Variants in TPSG1 observed in about 807,000 individuals in gnomAD.
TPSG1 encodes the protein tryptase gamma 1.
A neutral mutation model predicts 23.8 loss-of-function variants in TPSG1; 43 were observed. The ratio of observed to expected loss-of-function variants is 1.81; its 90% confidence interval spans 1.42 to 2.33. The LOEUF is 2.33. Among genes scored for constraint, TPSG1 ranks in the 30% most tolerant of loss-of-function variants. TPSG1 has a pLI of 0.00. For missense variants in TPSG1, 623 were observed against 438.6 expected, an observed-to-expected ratio of 1.42 and a Z score of -3.75; for synonymous variants, 302 against 201.3, an observed-to-expected ratio of 1.50 and a Z score of -4.23.
Position 1,225,079 on chromosome 16 carries a change from CG to C in TPSG1, c.46+127del. 3 of 1,175,476 alleles carry C rather than the reference CG, an allele frequency of 2.6e-6. No individual in the cohort carries two copies. In the South Asian group the frequency reaches 4.5e-5, roughly 18 times the overall value. 72.8% of individuals were successfully genotyped at this position (1,175,476 alleles called of 1,614,324 possible). ...GGGTGCAGTCTCTTCAGAGGAGACA[CG>C]GGGCCCCACAGGGTGGGGACTCAGC... On this transcript the variant is annotated intron_variant, in intron 1 of 5. Coordinates refer to ENST00000234798, the MANE Select transcript of TPSG1 (RefSeq NM_012467.4).
intron 2 of TPSG1, 152 bp downstream of exon 2, chr16:1,224,450 C>T: frequency 1.0e-6 from 1 of 980,342 alleles, no homozygotes; most frequent in South Asian, 1.5e-5. Context: ...ACCAGCCCCA[C>T]TCAACCGAGA....
intron 1 of TPSG1, 48 bp from the exon 2 acceptor site, chr16:1,224,676 G>C (rs1412537289): frequency 1.2e-6 from 2 of 1,612,652 alleles, no homozygotes; most frequent in Non-Finnish European, 1.7e-6. Context: ...GCCAAGGAGA[G>C]GGGTGTGCGG....
chr16:1,223,622 G>A, intron 2 of TPSG1, 28 bp from the exon 3 acceptor site: 1 of 1,527,356 alleles, frequency 6.5e-7, no homozygotes, highest in Non-Finnish European at 8.8e-7. Flanking sequence ...GGGGTGCCTG[G>A]TGGGGATCCC....
At chr16:1,224,452 C>T in intron 2 of TPSG1, 150 bp downstream of exon 2, 1 of 994,216 alleles carries the variant, frequency 1.0e-6, no homozygotes, top group Non-Finnish European at 1.5e-6. Flanking sequence ...CAGCCCCACT[C>T]AACCGAGAGA....
chr16:1,222,971 G>A (rs1056220482), intron 3 of TPSG1, 54 bp from the exon 4 acceptor site: 1 of 1,537,330 alleles, frequency 6.5e-7, no homozygotes, highest in Non-Finnish European at 8.8e-7. Flanking sequence ...CTGGAGGTCA[G>A]TGTCGGCCCC....
rs374703338 is a variant in TPSG1 at position 1,223,401 on chromosome 16, C to T, written c.245+22G>A. 9 of 1,561,478 alleles carry T rather than the reference C, an allele frequency of 5.8e-6. No homozygotes were observed. In the African/African-American group the frequency reaches 8.1e-5, roughly 14 times the overall value. ...ACTGGGGCCTGGACATTGAGACTGC[C>T]CCTGCCCACCCGGACACTCACCCGG... On this transcript the variant is annotated intron_variant, in intron 3 of 5. Coordinates refer to ENST00000234798, the MANE Select transcript of TPSG1 (RefSeq NM_012467.4).
intron 1 of TPSG1, chr16:1,224,922 G>A: frequency 6.8e-6 from 4 of 591,572 alleles, no homozygotes; most frequent in South Asian, 6.3e-5. Context: ...TCTAGGGCCT[G>A]GGACTCCTGG....
At chr16:1,224,152 T>A (rs922087997) in intron 2 of TPSG1, 2 of 198,704 alleles carry the variant, frequency 1.0e-5, no homozygotes, top group Non-Finnish European at 2.0e-5. Context: ...CACACCTGGG[T>A]CTGCCTGAGC....
chr16:1,222,432 CCACCA>C (rs1423163032), intron 4 of TPSG1, 91 bp from the exon 5 acceptor site: 1 of 1,285,698 alleles, frequency 7.8e-7, no homozygotes, highest in Non-Finnish European at 1.1e-6. Flanking sequence ...AAGTCCCATG[CCACCA>C]CGACCCTCGT....
chr16:1,223,679 T>A, intron 2 of TPSG1, 85 bp from the exon 3 acceptor site: 1 of 1,443,088 alleles, frequency 6.9e-7, no homozygotes, highest in Non-Finnish European at 9.2e-7. Context: ...TGACCACACC[T>A]CCCTGCCTTC....
rs1231016812 is a variant in TPSG1, at chr16:1,222,109, A to C, written c.658-13T>G. 1.2e-6 allele frequency: 2 copies of C among 1,612,492 alleles called. No individual in the cohort carries two copies. The highest frequency in any genetic ancestry group is 2.7e-5 in the African/African-American group (2 of 74,916). ...CCCCGGAGTCGTCCTGAGGACAGAG[A>C]AGGCGAGCATTGGGAGCCGAGAAGA... On this transcript the variant is annotated splice_polypyrimidine_tract_variant and intron_variant, in intron 5 of 5. Coordinates refer to ENST00000234798, the MANE Select transcript of TPSG1 (RefSeq NM_012467.4).
intron 3 of TPSG1, 32 bp from the exon 4 acceptor site, chr16:1,222,949 C>T: frequency 1.3e-6 from 2 of 1,572,230 alleles, no homozygotes; most frequent in Non-Finnish European, 1.7e-6. Flanking sequence ...TGAGAGGGGC[C>T]AGCTGCGGAG....
chr16:1,225,143 C>T (rs2141424936), intron 1 of TPSG1, 64 bp downstream of exon 1: 2 of 1,532,648 alleles, frequency 1.3e-6, no homozygotes, highest in South Asian at 1.2e-5. Flanking sequence ...AGTTTCACCC[C>T]CATCAGGGGT....
At position 1,222,892 on chromosome 16, in the gene TPSG1, C is replaced by T; in HGVS notation, c.271G>A (p.Val91Met). Reference protein sequence around the residue: ...SGSLNSSDYQVHLGELEITLS... With the variant: ...SGSLNSSDYQMHLGELEITLS... ...GTGATCTCCAGTTCCCCCAGGTGCA[C>T]CTGGTAGTCGGATGAGTTCAGGGAC... Residue 91 changes from valine to methionine, a missense_variant, in exon 4 of 6, where the codon GTG becomes ATG. By Grantham distance (21) the Val-to-Met change is conservative (BLOSUM62 1). Transcript: ENST00000234798. The T allele has an allele frequency of 3.1e-6, 5 of 1,608,412 alleles. No individual in the cohort carries two copies. Among genetic ancestry groups the T allele is most frequent in the Non-Finnish European group, 4.2e-6 (5 of 1,178,088 alleles).
intron 4 of TPSG1, 89 bp downstream of exon 4, chr16:1,222,560 GAGC>G: frequency 6.8e-7 from 1 of 1,474,558 alleles, no homozygotes; most frequent in South Asian, 1.4e-5. Context: ...AAGCCACCAG[GAGC>G]AGGTGGTAGC....
rs1467115296 is a variant in TPSG1 at position 1,221,969 on chromosome 16, A to C, written c.785T>G (p.Val262Gly). The C allele has an allele frequency of 3.7e-6, 6 of 1,612,368 alleles. No homozygotes were observed. The South Asian group carries it at 6.6e-5, about 18-fold the overall frequency. Reference sequence around the variant, plus strand: ...TGTGATGTGGCGGCGGATCCAGTTCACGTAGGCAGGGACACGAGTGTAGAC... The same window carrying C: ...TGTGATGTGGCGGCGGATCCAGTTCCCGTAGGCAGGGACACGAGTGTAGAC... Reference protein sequence around the residue: ...PGVYTRVPAYVNWIRRHITAS... With the variant: ...PGVYTRVPAYGNWIRRHITAS... The change falls in exon 6 of 6, where the codon GTG becomes GGG. Residue 262 changes from valine (V) to glycine (G), a missense_variant. Physicochemically the swap from Val to Gly is moderately radical, Grantham distance 109. Transcript: ENST00000234798.
chr16:1,222,882 C>G lies in TPSG1; in HGVS notation c.281G>C (p.Gly94Ala). ...GGGAGACAGAGTGATCTCCAGTTCC[C>G]CCAGGTGCACCTGGTAGTCGGATGA... is the stretch of plus-strand genomic sequence containing the variant. Reference protein sequence around the residue: ...LNSSDYQVHLGELEITLSPHF... With the variant: ...LNSSDYQVHLAELEITLSPHF... Residue 94 changes from glycine (G) to alanine (A), a missense_variant, in exon 4 of 6, where the codon GGG (glycine) becomes GCG (alanine). Gly to Ala is a moderately conservative substitution (Grantham distance 60). Transcript: ENST00000234798. The G allele has an allele frequency of 6.2e-7, 1 of 1,608,872 alleles. No homozygotes were observed. The highest frequency in any genetic ancestry group is 2.2e-5 in the East Asian group (1 of 44,770).
At chr16:1,223,277 CCAG>C (rs1222792030) in intron 3 of TPSG1, 143 bp downstream of exon 3, 13 of 1,130,760 alleles carry the variant, frequency 1.1e-5, no homozygotes, top group Non-Finnish European at 1.3e-5. Context: ...AGGTGGGCAA[CCAG>C]CTCCTCCCTT....
rs751578922 is a variant in TPSG1, at chr16:1,223,547, C to A, written c.121G>T (p.Gly41Cys). ...VSDAGGRIVG[G>C]HAAPAGAWPW... ...CATGCGCCGGCCGGGGCAGCGTGACCCCCCACGATCCGGCCGCCTGCATCC... is the reference window on the plus strand; with the variant it reads ...CATGCGCCGGCCGGGGCAGCGTGACACCCCACGATCCGGCCGCCTGCATCC... Residue 41 changes from glycine (G) to cysteine (C), a missense_variant, in exon 3 of 6, where the codon GGT becomes TGT. Gly to Cys is a radical substitution (Grantham distance 159, BLOSUM62 -3). Transcript: ENST00000234798. 36 of 1,546,904 alleles carry A rather than the reference C, an allele frequency of 2.3e-5. No individual in the cohort carries two copies. Among genetic ancestry groups the A allele is most frequent in the East Asian group, 4.9e-5 (2 of 41,078 alleles).
Sources: allele counts gnomAD v4.1 joint callset, GRCh38; gene constraint gnomAD v4.1.1; transcripts MANE v1.5; gene names NCBI Gene and HGNC (gene_info 2026-07-23, HGNC 2026-07-21).